The following CTSH variants were observed in gnomAD, a reference collection of about 807,000 sequenced individuals.
CTSH encodes the protein cathepsin H, also known as pro-cathepsin H.
CTSH carries 52 observed loss-of-function variants against 56.3 expected under a neutral mutation model. That is an observed-to-expected ratio of 0.92 (90% CI 0.74 to 1.16). The LOEUF is 1.16. Among genes scored for constraint, CTSH ranks in the 50% most tolerant of loss-of-function variants. The pLI, the probability that CTSH is intolerant of heterozygous loss-of-function variation, is 0.00. For synonymous variants in CTSH, 174 were observed against 155.7 expected (o/e 1.12, Z -0.88); for missense variants, 406 against 424.5 (o/e 0.96, Z 0.38).
intron 7 of CTSH, among the ~76,000 whole-genome samples, chr15:78,929,980 G>A (rs1277023275): frequency 6.6e-6 from 1 of 152,186 alleles, no homozygotes; most frequent in African/African-American, 2.4e-5. Context: ...ACATCATGTG[G>A]CCTCCCAGAA....
chr15:78,931,001 C>T (rs912340899), intron 7 of CTSH, among the ~76,000 whole-genome samples: 19 of 152,224 alleles, frequency 1.2e-4, no homozygotes, highest in African/African-American at 3.9e-4. Flanking sequence ...AGGCAAGGTA[C>T]AGCCCTTACA....
intron 9 of CTSH, chr15:78,926,295 G>C (rs1417072572): frequency 6.6e-6 from 1 of 152,494 alleles, no homozygotes; most frequent in African/African-American, 2.4e-5. Flanking sequence ...AAAGCAAACA[G>C]GTGCCTGGCA....
At chr15:78,935,806 G>T in intron 3 of CTSH, 56 bp from the exon 4 acceptor site, 1 of 1,334,682 alleles carries the variant, frequency 7.5e-7, no homozygotes, top group Non-Finnish European at 1.1e-6. Flanking sequence ...CACTAATGAA[G>T]AAACAAGAAA....
chr15:78,931,604 C>T (rs1299191577), intron 6 of CTSH, 98 bp from the exon 7 acceptor site: 16 of 1,597,144 alleles, frequency 1.0e-5, no homozygotes, highest in Admixed American at 1.8e-5. Context: ...CATCTGAGGC[C>T]CCGTCAGTGC....
chr15:78,936,994 C>T, intron 3 of CTSH: 1 of 286,556 alleles, frequency 3.5e-6, no homozygotes, highest in Non-Finnish European at 6.7e-6. Flanking sequence ...GCTCTGAGCC[C>T]ATGAGCAACC....
At chr15:78,939,274 A>T (rs10400902) in intron 1 of CTSH, 103 bp from the exon 2 acceptor site, 2 of 831,620 alleles carry the variant, frequency 2.4e-6, no homozygotes, top group Non-Finnish European at 3.8e-6. Flanking sequence ...CGAAAACTGG[A>T]CTAAATTTAA....
intron 7 of CTSH, among the ~76,000 whole-genome samples, chr15:78,930,321 T>C (rs1288643966): frequency 1.3e-5 from 2 of 151,714 alleles, no homozygotes; most frequent in Non-Finnish European, 2.9e-5. Context: ...AGGTCAGGGG[T>C]TCGAGACTAG....
chr15:78,930,953 T>G (rs796708068), intron 7 of CTSH, among the ~76,000 whole-genome samples: 1 of 152,172 alleles, frequency 6.6e-6, no homozygotes, highest in African/African-American at 2.4e-5. Context: ...AGCAAATTCC[T>G]GGCAACCTGC....
chr15:78,939,570 T>C (rs2055245380), intron 1 of CTSH, among the ~76,000 whole-genome samples: 1 of 152,178 alleles, frequency 6.6e-6, no homozygotes, highest in Non-Finnish European at 1.5e-5. Context: ...GAAGTTATAT[T>C]TCGGTAAGAA....
At chr15:78,922,849 C>T in intron 11 of CTSH, 144 bp downstream of exon 11, 1 of 960,722 alleles carries the variant, frequency 1.0e-6, no homozygotes, top group Non-Finnish European at 1.5e-6. Flanking sequence ...CATTCTCATG[C>T]TCCCTTTCCC....
intron 6 of CTSH, chr15:78,931,935 A>T: frequency 1.7e-6 from 2 of 1,176,322 alleles, no homozygotes; most frequent in African/African-American, 1.6e-5. Context: ...CTTTCTCCAC[A>T]GAGGCAGGGG....
intron 10 of CTSH, 35 bp from the exon 11 acceptor site, chr15:78,923,153 G>A: frequency 6.2e-7 from 1 of 1,611,262 alleles, no homozygotes; most frequent in African/African-American, 1.3e-5. Context: ...GTGATCATAT[G>A]GGAAGGATAA....
At chr15:78,924,381 G>A (rs1005899603) in intron 10 of CTSH, among the ~76,000 whole-genome samples, 24 of 152,106 alleles carry the variant, frequency 1.6e-4, no homozygotes, top group African/African-American at 5.8e-4. Flanking sequence ...GTGGAAGCTG[G>A]AACAGTGTGT....
chr15:78,941,998 G>A (rs912928696), intron 1 of CTSH, among the ~76,000 whole-genome samples: 3 of 152,166 alleles, frequency 2.0e-5, no homozygotes, highest in Non-Finnish European at 2.9e-5. Flanking sequence ...ATATTTTCAT[G>A]AGTGAATATT....
At chr15:78,935,645 A>C (rs1179892662) in intron 4 of CTSH, 35 bp downstream of exon 4, 2 of 1,551,450 alleles carry the variant, frequency 1.3e-6, no homozygotes, top group Non-Finnish European at 1.8e-6. Context: ...TTTCAGTAAA[A>C]GGATTCAGAT....
Position 78,927,786 on chromosome 15 carries a change from TGAG to T in CTSH, c.631-8_631-6del, listed in dbSNP as rs778103799. The T allele has an allele frequency of 2.5e-6, 4 of 1,613,466 alleles. No homozygotes were observed. Among genetic ancestry groups the T allele is most frequent in the Non-Finnish European group, 3.4e-6 (4 of 1,179,514 alleles). Reference sequence around the variant, plus strand: ...TTGGAACTTGCAATAACCATCCTGTTGAGGATGCAAAGGGCATGAAATACAGGT... The same window carrying T: ...TTGGAACTTGCAATAACCATCCTGTTGATGCAAAGGGCATGAAATACAGGT... On this transcript the variant is annotated splice_polypyrimidine_tract_variant and splice_region_variant and intron_variant, in intron 8 of 11. Transcript: ENST00000220166.
At chr15:78,929,995 C>T (rs1481212620) in intron 7 of CTSH, among the ~76,000 whole-genome samples, 1 of 152,180 alleles carries the variant, frequency 6.6e-6, no homozygotes, top group Admixed American at 6.5e-5. Flanking sequence ...CCAGAATAAA[C>T]AAAAACTCAG....
chr15:78,930,099 C>A (rs1386592137), intron 7 of CTSH, among the ~76,000 whole-genome samples: 1 of 152,244 alleles, frequency 6.6e-6, no homozygotes, highest in African/African-American at 2.4e-5. Flanking sequence ...TCTCTCTGAG[C>A]CTGCCAGAAT....
intron 7 of CTSH, among the ~76,000 whole-genome samples, chr15:78,930,709 C>T (rs371900683): frequency 2.0e-5 from 3 of 152,056 alleles, no homozygotes; most frequent in African/African-American, 7.2e-5. Context: ...CAGGCTACGA[C>T]GTCACCCCTG....
Sources: gnomAD v4.1 joint callset for allele counts (sites outside exome capture counted in the v4.1 genomes callset) on GRCh38, gnomAD v4.1.1 for gene constraint, MANE v1.5 for transcripts, NCBI Gene and HGNC (gene_info 2026-07-23, HGNC 2026-07-21) for gene names.